The following C16orf96 variants were observed in gnomAD, a reference collection of about 807,000 sequenced individuals.
C16orf96 encodes the protein uncharacterized protein C16orf96.
C16orf96 carries 108 observed loss-of-function variants against 103.6 expected under a neutral mutation model. The observed-to-expected ratio is 1.04, with a 90% confidence interval of 0.89 to 1.22. C16orf96 has a LOEUF of 1.22. Ranked by LOEUF, C16orf96 falls within the 50% of genes most tolerant of loss-of-function variation. C16orf96 has a pLI of 0.00. For missense variants in C16orf96, 1,586 were observed against 1,464.2 expected, an observed-to-expected ratio of 1.08 and a Z score of -1.36; for synonymous variants, 566 against 593.5, an observed-to-expected ratio of 0.95 and a Z score of 0.67.
intron 10 of C16orf96, 48 bp downstream of exon 10, chr16:4,591,832 C>G: frequency 7.4e-7 from 1 of 1,357,778 alleles, no homozygotes; most frequent in Non-Finnish European, 1.0e-6. Context: ...GCTGCCCAGG[C>G]TGTGGGGAAC....
At chr16:4,548,358 G>A in the C16orf96 span, among the ~76,000 whole-genome samples, 3 of 152,098 alleles carry the variant, frequency 2.0e-5, no homozygotes, top group South Asian at 2.1e-4. Flanking sequence ...GACTCACATC[G>A]GTACTGCAAA....
At chr16:4,573,094 T>C (rs1596522932) in intron 2 of C16orf96, among the ~76,000 whole-genome samples, 2 of 152,080 alleles carry the variant, frequency 1.3e-5, no homozygotes, top group African/African-American at 4.8e-5. Context: ...TGTTAAAAGC[T>C]GCATCATGAG....
upstream of C16orf96, among the ~76,000 whole-genome samples, chr16:4,555,989 C>T (rs375333208): frequency 1.6e-3 from 251 of 152,232 alleles, 3 homozygotes; most frequent in African/African-American, 5.8e-3. Context: ...CCTGAACCCC[C>T]ACACCCACCC....
At chr16:4,591,920 TGAG>T (rs1897068555) in intron 10 of C16orf96, 136 bp downstream of exon 10, 8 of 735,736 alleles carry the variant, frequency 1.1e-5, no homozygotes, top group Non-Finnish European at 1.4e-5. Context: ...CTGAAAGCAC[TGAG>T]GAGGAGGGAA....
At chr16:4,581,372 G>A (rs1425455830) in intron 7 of C16orf96, among the ~76,000 whole-genome samples, 6 of 150,506 alleles carry the variant, frequency 4.0e-5, no homozygotes, top group African/African-American at 7.3e-5. Flanking sequence ...GGTGGCTCAC[G>A]CCTGTAATCC....
chr16:4,585,930 G>T (rs1344909587), intron 7 of C16orf96, among the ~76,000 whole-genome samples: 1 of 152,170 alleles, frequency 6.6e-6, no homozygotes, highest in African/African-American at 2.4e-5. Context: ...ATGGACACAG[G>T]AGACTCAGGA....
intron 1 of C16orf96, among the ~76,000 whole-genome samples, chr16:4,570,909 C>G (rs1036110335): frequency 6.6e-6 from 1 of 152,146 alleles, no homozygotes; most frequent in East Asian, 1.9e-4. Context: ...AAATACAGAC[C>G]GGGTGCTGTG....
chr16:4,559,413 T>C (rs1295311757), intron 1 of C16orf96, among the ~76,000 whole-genome samples: 3 of 151,812 alleles, frequency 2.0e-5, no homozygotes, highest in Non-Finnish European at 2.9e-5. Flanking sequence ...TAGCCAGGCA[T>C]GGTGGCGCAT....
At position 4,600,137 on chromosome 16, in the gene C16orf96, G is replaced by A. The variant is rs537867141; in HGVS notation, c.3246G>A (p.Ser1082=). The change falls in exon 16 of 16, where the codon TCG becomes TCA. Residue 1082 remains serine (S), a synonymous_variant. Transcript: ENST00000444310. ...GCTCCAGTGCCTGCTCAGCTGCCTC[G>A]GGCCCTCACCTGACGATGCCAGCTC... ...CPRSSACSAA[S]GPHLTMPARP... is the part of the protein sequence containing the mutation. 2.3e-5 allele frequency: 36 copies of A among 1,551,366 alleles called. 1 individual carries two copies. The Admixed American group carries it at 4.3e-4, about 19-fold the overall frequency.
rs951558791 is a variant in C16orf96 at position 4,574,965 on chromosome 16, C to T, written c.607-7C>T. 5 of 1,551,154 alleles carry T rather than the reference C, an allele frequency of 3.2e-6. No homozygotes were observed. Among genetic ancestry groups the T allele is most frequent in the Non-Finnish European group, 4.4e-6 (5 of 1,146,870 alleles). On this transcript the variant is annotated splice_polypyrimidine_tract_variant and splice_region_variant and intron_variant, in intron 3 of 15. Coordinates refer to ENST00000444310, the MANE Select transcript of C16orf96 (RefSeq NM_001145011.2). The stretch of plus-strand genomic sequence containing the variant: ...CACAGCCCTCATTTTCTACCCCCAC[C>T]TTGCAGGCTTCTCTCCAGAATAAGT...
At position 4,578,449 on chromosome 16, in the gene C16orf96, A is replaced by T. The variant is rs566933514; in HGVS notation, c.2156-491A>T. Among the ~76,000 whole-genome samples, 702 of 152,020 alleles carry T rather than the reference A, an allele frequency of 4.6e-3. 10 individuals are homozygous for T. The highest frequency in any genetic ancestry group is 0.015 in the African/African-American group (638 of 41,470). On this transcript the variant is annotated intron_variant, in intron 5 of 15. Coordinates refer to ENST00000444310, the MANE Select transcript of C16orf96 (RefSeq NM_001145011.2). Reference sequence around the variant, plus strand: ...TGAGCCACTGCACCTGATAAAAAAAATTTTTTTTAATTAATTTAAAAACTA... The same window carrying T: ...TGAGCCACTGCACCTGATAAAAAAATTTTTTTTTAATTAATTTAAAAACTA...
chr16:4,599,837 C>T (rs1263149457), intron 15 of C16orf96, among the ~76,000 whole-genome samples: 1 of 152,204 alleles, frequency 6.6e-6, no homozygotes, highest in Admixed American at 6.5e-5. Flanking sequence ...AGCCCAGATC[C>T]GTGGACTCCA....
chr16:4,589,629 A>G (rs1347467029), intron 9 of C16orf96, among the ~76,000 whole-genome samples: 1 of 152,064 alleles, frequency 6.6e-6, no homozygotes, highest in Non-Finnish European at 1.5e-5. Flanking sequence ...GGCGCAGAAC[A>G]ACCAAAAGCA....
chr16:4,588,161 C>A lies in C16orf96; in HGVS notation c.2428-6C>A. ...CCATGCCTCCCTGAACTCCCTGTCTCCCTAGAAAGCTGACAGGAGTGCCCT... is the reference window on the plus strand; with the variant it reads ...CCATGCCTCCCTGAACTCCCTGTCTACCTAGAAAGCTGACAGGAGTGCCCT... On this transcript the variant is annotated splice_region_variant and splice_polypyrimidine_tract_variant and intron_variant, in intron 8 of 15. Coordinates refer to ENST00000444310, the MANE Select transcript of C16orf96 (RefSeq NM_001145011.2). 6.5e-7 allele frequency: 1 copy of A among 1,550,324 alleles called. No individual in the cohort carries two copies. The highest frequency in any genetic ancestry group is 8.7e-7 in the Non-Finnish European group (1 of 1,146,502).
rs974673508 is a variant in C16orf96 at position 4,574,680 on chromosome 16, C to G, written c.526-29C>G. The G allele has an allele frequency of 2.4e-5, 37 of 1,535,006 alleles. No individual in the cohort carries two copies. The African/African-American group carries it at 4.3e-4, about 18-fold the overall frequency. The stretch of plus-strand genomic sequence containing the variant: ...CAGGGGTGGGACAGAACCTGGACCC[C>G]CAGTCCACAGACTCAGTTCCTTTGA... On this transcript the variant is annotated intron_variant, in intron 2 of 15. Transcript: ENST00000444310.
In C16orf96 at chr16:4,575,666, C is replaced by T. The variant is rs2059495756; in HGVS notation, c.1186C>T (p.Pro396Ser). 2 of 1,535,706 alleles carry T rather than the reference C, an allele frequency of 1.3e-6. No individual in the cohort carries two copies. The highest frequency in any genetic ancestry group is 1.8e-6 in the Non-Finnish European group (2 of 1,140,124). The change falls in exon 5 of 16, where the codon CCC becomes TCC. Residue 396 changes from proline to serine, a missense_variant. Coordinates refer to ENST00000444310, the MANE Select transcript of C16orf96 (RefSeq NM_001145011.2). ...TGCACTCCCAAGACGCTGGCCTCTT[C>T]CCCAAGGCTGGCCCAGGGTGGGCTC... is the stretch of plus-strand genomic sequence containing the variant. ...WPALPRRWPLPQGWPRVGSWP... is the reference protein window; with the variant it reads ...WPALPRRWPLSQGWPRVGSWP...
At chr16:4,546,059 A>G in the C16orf96 span, among the ~76,000 whole-genome samples, 1 of 151,696 alleles carries the variant, frequency 6.6e-6, no homozygotes, top group Admixed American at 6.6e-5. Context: ...CATGTTGGCC[A>G]GGCTGATCTC....
the C16orf96 span, among the ~76,000 whole-genome samples, chr16:4,545,849 C>G: frequency 6.6e-6 from 1 of 151,946 alleles, no homozygotes; most frequent in Non-Finnish European, 1.5e-5. Context: ...TTCTTTTTCT[C>G]TTTTTCTTTC....
In C16orf96 at chr16:4,575,579, T is replaced by G; in HGVS notation, c.1099T>G (p.Trp367Gly). Residue 367 changes from tryptophan (W) to glycine (G), a missense_variant, in exon 5 of 16, where the codon TGG (tryptophan) becomes GGG (glycine). Transcript: ENST00000444310. ...SVTPGSLPAPWPVLGPVPAPG... is the reference protein window; with the variant it reads ...SVTPGSLPAPGPVLGPVPAPG... ...GACACCTGGGTCCTTGCCAGCACCT[T>G]GGCCTGTGCTTGGACCTGTGCCTGC... 2 of 1,523,670 alleles carry G rather than the reference T, an allele frequency of 1.3e-6. No individual in the cohort carries two copies. Among genetic ancestry groups the G allele is most frequent in the Non-Finnish European group, 1.8e-6 (2 of 1,136,172 alleles). The allele number at this position is 1,523,670 out of a possible 1,614,324, so 94.4% of individuals were successfully genotyped here. A position where few individuals can be genotyped will look rare whatever the true frequency, so the allele number is the denominator to read the frequency against.
Sources: allele counts gnomAD v4.1 joint callset (sites outside exome capture counted in the v4.1 genomes callset), GRCh38; gene constraint gnomAD v4.1.1; transcripts MANE v1.5; gene names NCBI Gene and HGNC (gene_info 2026-07-23, HGNC 2026-07-21).